MCTP2: variants seen among roughly 807,000 people sequenced by gnomAD.
The protein encoded by MCTP2 is multiple C2 and transmembrane domain-containing protein 2.
A neutral mutation model predicts 111.6 loss-of-function variants in MCTP2; 132 were observed. That is an observed-to-expected ratio of 1.18 (90% CI 1.03 to 1.37). MCTP2 has a LOEUF of 1.37. Ranked by LOEUF, MCTP2 falls within the 40% of genes most tolerant of loss-of-function variation. The pLI is 0.00. For missense variants in MCTP2, 1,183 were observed against 1,067.9 expected, an observed-to-expected ratio of 1.11 and a Z score of -1.50; for synonymous variants, 395 against 387.7, an observed-to-expected ratio of 1.02 and a Z score of -0.22.
Position 94,401,965 on chromosome 15 carries a change from C to T in MCTP2, c.2031C>T (p.Phe677=), listed in dbSNP as rs775182356. The T allele has an allele frequency of 1.7e-5, 27 of 1,612,580 alleles. No individual in the cohort carries two copies. In the East Asian group the frequency reaches 2.2e-4, roughly 13 times the overall value. The change falls in exon 17 of 23, where the codon TTC becomes TTT. Residue 677 remains phenylalanine, a synonymous_variant. Coordinates refer to ENST00000357742, the MANE Select transcript of MCTP2 (RefSeq NM_001385001.1). ...TGGCAATATGGAATACAATGCAGTT[C>T]CTTAAAAGCTGCTTCCAGTGGGAAT... ...ITMAIWNTMQ[F]LKSCFQWEST... is the part of the protein sequence containing the mutation.
At position 94,390,098 on chromosome 15, in the gene MCTP2, A is replaced by ACG. The variant is rs1555464914; in HGVS notation, c.1788+4573_1788+4574insCG. Among the ~76,000 whole-genome samples, 64 of 34,416 alleles carry ACG rather than the reference A, an allele frequency of 1.9e-3. 3 individuals are homozygous for ACG. Among genetic ancestry groups the ACG allele is most frequent in the Middle Eastern group, 0.017 (1 of 58 alleles). The allele number at this position is 34,416 out of a possible 152,430, so 22.6% of individuals were successfully genotyped here. A position where few individuals can be genotyped will look rare whatever the true frequency, so the allele number is the denominator to read the frequency against. ...TATATATATATATATATGTATATAT[A>ACG]TATATATATATATATGTATATATAT... On this transcript the variant is annotated intron_variant, in intron 14 of 22. Coordinates refer to ENST00000357742, the MANE Select transcript of MCTP2 (RefSeq NM_001385001.1).
At chr15:94,318,340 G>A (rs899424475) in intron 4 of MCTP2, among the ~76,000 whole-genome samples, 3 of 149,670 alleles carry the variant, frequency 2.0e-5, no homozygotes, top group African/African-American at 7.4e-5. Flanking sequence ...CTGGAGTGCA[G>A]TGGCACAATC....
intron 20 of MCTP2, among the ~76,000 whole-genome samples, chr15:94,469,852 A>G (rs1019131293): frequency 6.6e-6 from 1 of 152,152 alleles, no homozygotes; most frequent in Middle Eastern, 3.4e-3. Flanking sequence ...AGCCTGGGTA[A>G]CAGCAAGATC....
chr15:94,245,678 G>T (rs1198747217), intron 1 of MCTP2, among the ~76,000 whole-genome samples: 1 of 144,458 alleles, frequency 6.9e-6, no homozygotes, highest in African/African-American at 2.5e-5. Flanking sequence ...ATATACATAT[G>T]TATGTGTATA....
intron 1 of MCTP2, among the ~76,000 whole-genome samples, chr15:94,263,407 C>T (rs1295599164): frequency 2.6e-5 from 4 of 152,096 alleles, no homozygotes; most frequent in African/African-American, 9.7e-5. Flanking sequence ...TTTTTGCCAC[C>T]CTATTAATAG....
At chr15:94,262,110 C>A (rs1223434558) in intron 1 of MCTP2, among the ~76,000 whole-genome samples, 1 of 152,092 alleles carries the variant, frequency 6.6e-6, no homozygotes, top group Non-Finnish European at 1.5e-5. Context: ...GGTAACTTAT[C>A]TTTAAATAAT....
At chr15:94,239,289 C>T (rs750710226) in intron 1 of MCTP2, among the ~76,000 whole-genome samples, 4 of 152,166 alleles carry the variant, frequency 2.6e-5, no homozygotes, top group Admixed American at 6.5e-5. Context: ...TTAGCTTCTT[C>T]GGTTTATAGT....
chr15:94,470,191 A>T, intron 20 of MCTP2, 142 bp from the exon 21 acceptor site: 1 of 608,766 alleles, frequency 1.6e-6, no homozygotes, highest in Middle Eastern at 3.5e-4. Context: ...GCAGACTCTC[A>T]TCTTGAGGTT....
At chr15:94,393,846 T>G (rs1252494287) in intron 14 of MCTP2, among the ~76,000 whole-genome samples, 3 of 151,842 alleles carry the variant, frequency 2.0e-5, no homozygotes, top group Non-Finnish European at 4.4e-5. Context: ...GGTCAGGAGT[T>G]TGAGGCCAGC....
intron 11 of MCTP2, among the ~76,000 whole-genome samples, chr15:94,368,306 A>C (rs184059658): frequency 6.6e-6 from 1 of 152,322 alleles, no homozygotes; most frequent in Non-Finnish European, 1.5e-5. Context: ...TTTCTCCCTA[A>C]GTAGTTGCAA....
chr15:94,467,931 G>C (rs1394326138), intron 20 of MCTP2, among the ~76,000 whole-genome samples: 2 of 152,194 alleles, frequency 1.3e-5, no homozygotes, highest in Non-Finnish European at 2.9e-5. Flanking sequence ...TAATAAAGAA[G>C]GGAGAAAAAT....
intron 17 of MCTP2, among the ~76,000 whole-genome samples, chr15:94,438,484 G>A (rs541528411): frequency 7.9e-5 from 12 of 152,132 alleles, no homozygotes; most frequent in African/African-American, 2.4e-4. Flanking sequence ...ACAGCAATAC[G>A]GGTTCACCTC....
intron 12 of MCTP2, among the ~76,000 whole-genome samples, chr15:94,372,443 A>C (rs1011253677): frequency 6.6e-6 from 1 of 152,228 alleles, no homozygotes; most frequent in Non-Finnish European, 1.5e-5. Context: ...GTTGTAATTT[A>C]ACTTTTCTAT....
intron 12 of MCTP2, among the ~76,000 whole-genome samples, chr15:94,370,689 A>C (rs1315038494): frequency 6.6e-6 from 1 of 152,106 alleles, no homozygotes; most frequent in Non-Finnish European, 1.5e-5. Context: ...TGCTTCTGTA[A>C]CTTGAACTTT....
At chr15:94,478,732 C>G (rs2074565238) in intron 22 of MCTP2, among the ~76,000 whole-genome samples, 1 of 152,102 alleles carries the variant, frequency 6.6e-6, no homozygotes, top group Non-Finnish European at 1.5e-5. Context: ...AAGGTAGAAA[C>G]CCACGCATCT....
chr15:94,237,701 C>T (rs932314304), intron 1 of MCTP2, among the ~76,000 whole-genome samples: 2 of 152,178 alleles, frequency 1.3e-5, no homozygotes, highest in Non-Finnish European at 2.9e-5. Context: ...TGTAAAGAAT[C>T]TCTATTAAAG....
At position 94,433,327 on chromosome 15, in the gene MCTP2, C is replaced by T. The variant is rs755691868; in HGVS notation, c.2086-6849C>T. On this transcript the variant is annotated intron_variant, in intron 17 of 22. Transcript: ENST00000357742. ...AATATTTGCAGCTGAAAATTTAAGG[C>T]GATTTTTTTGAAATTACACCTACTG... 3.3e-4 allele frequency among the ~76,000 whole-genome samples: 50 copies of T among 152,170 alleles called. 1 individual carries two copies. Among genetic ancestry groups the T allele is most frequent in the Non-Finnish European group, 4.7e-4 (32 of 67,992 alleles).
chr15:94,260,332 A>G (rs2073109262), intron 1 of MCTP2, among the ~76,000 whole-genome samples: 1 of 152,102 alleles, frequency 6.6e-6, no homozygotes, highest in Admixed American at 6.5e-5. Context: ...CAGCCCACTC[A>G]ACTTTCTTGT....
intron 12 of MCTP2, 131 bp downstream of exon 12, chr15:94,370,311 G>C: frequency 1.7e-6 from 1 of 605,740 alleles, no homozygotes; most frequent in Non-Finnish European, 2.7e-6. Flanking sequence ...TAGAGTCATA[G>C]CAAAAAAGAG....
Sources: gnomAD v4.1 joint callset for allele counts (sites outside exome capture counted in the v4.1 genomes callset) on GRCh38, gnomAD v4.1.1 for gene constraint, MANE v1.5 for transcripts, NCBI Gene and HGNC (gene_info 2026-07-23, HGNC 2026-07-21) for gene names.